AGBL1: variants seen among roughly 807,000 people sequenced by gnomAD.
AGBL1 encodes AGBL carboxypeptidase 1.
In AGBL1, 130 loss-of-function variants were observed where a neutral mutation model predicts 118.9. The observed-to-expected ratio is 1.09, with a 90% confidence interval of 0.95 to 1.26. AGBL1 has a LOEUF of 1.26. AGBL1 is among the 50% of genes most tolerant of loss of function. AGBL1 has a pLI of 0.00. For synonymous variants in AGBL1, 555 were observed against 478.9 expected (o/e 1.16, Z -2.08); for missense variants, 1,584 against 1,298.1 (o/e 1.22, Z -3.38).
At chr15:86,171,029 A>G (rs919719160) in intron 5 of AGBL1, among the ~76,000 whole-genome samples, 10 of 152,204 alleles carry the variant, frequency 6.6e-5, no homozygotes, top group African/African-American at 7.2e-5. Flanking sequence ...GAAGTATGGA[A>G]TTCTGTACTC....
At position 86,092,034 on chromosome 15, in the gene AGBL1, A is replaced by G. The variant is rs550664573; in HGVS notation, c.51+12011A>G. 2.6e-5 allele frequency among the ~76,000 whole-genome samples: 4 copies of G among 152,280 alleles called. No homozygotes were observed. In the South Asian group the frequency reaches 6.2e-4, roughly 24 times the overall value. Reference sequence around the variant, plus strand: ...GTACCTCTCTCTTGAATCATCTATGATTTACTTGCTTATAAAAATAGTTGT... The same window carrying G: ...GTACCTCTCTCTTGAATCATCTATGGTTTACTTGCTTATAAAAATAGTTGT... On this transcript the variant is annotated intron_variant, in intron 1 of 22. Transcript: ENST00000614907.
intron 22 of AGBL1, among the ~76,000 whole-genome samples, chr15:86,795,424 G>A (rs1243726091): frequency 6.6e-6 from 1 of 151,972 alleles, no homozygotes; most frequent in African/African-American, 2.4e-5. Flanking sequence ...TTCCCTGAGG[G>A]TCCCATTACC....
At chr15:86,108,891 A>T (rs1897204358) in intron 1 of AGBL1, among the ~76,000 whole-genome samples, 1 of 152,174 alleles carries the variant, frequency 6.6e-6, no homozygotes, top group Non-Finnish European at 1.5e-5. Context: ...CGGGAGGTGG[A>T]GGTTGCAGTG....
At chr15:86,394,719 G>T (rs2081337177) in intron 17 of AGBL1, among the ~76,000 whole-genome samples, 1 of 152,096 alleles carries the variant, frequency 6.6e-6, no homozygotes, top group Non-Finnish European at 1.5e-5. Context: ...TCATCTGAAG[G>T]TATCACATCT....
At chr15:86,082,223 T>C (rs1312726863) in intron 1 of AGBL1, among the ~76,000 whole-genome samples, 7 of 152,230 alleles carry the variant, frequency 4.6e-5, no homozygotes. Context: ...ATGGATTTGA[T>C]GTCCTGTCCC....
chr15:86,139,540 G>A (rs2076933742), intron 1 of AGBL1, among the ~76,000 whole-genome samples: 1 of 152,130 alleles, frequency 6.6e-6, no homozygotes, highest in South Asian at 2.1e-4. Context: ...CCCTTTGGGA[G>A]GCTGAGGCAG....
chr15:86,470,356 C>T (rs1273078546), intron 18 of AGBL1, among the ~76,000 whole-genome samples: 1 of 152,114 alleles, frequency 6.6e-6, no homozygotes, highest in Non-Finnish European at 1.5e-5. Flanking sequence ...GTCCTTGGCA[C>T]TGTTGTTGAT....
intron 5 of AGBL1, among the ~76,000 whole-genome samples, chr15:86,206,465 C>A (rs1015220516): frequency 2.0e-5 from 3 of 152,106 alleles, no homozygotes; most frequent in African/African-American, 7.2e-5. Context: ...CCACATCCTC[C>A]CCAGCATCTG....
At chr15:86,154,316 CTT>C in intron 3 of AGBL1, 112 bp from the exon 4 acceptor site, 1 of 1,225,100 alleles carries the variant, frequency 8.2e-7, no homozygotes, top group East Asian at 2.7e-5. Flanking sequence ...TGAAAAATGT[CTT>C]TGGCTATGAT....
intron 1 of AGBL1, among the ~76,000 whole-genome samples, chr15:86,122,129 C>T (rs960197643): frequency 6.6e-6 from 1 of 152,160 alleles, no homozygotes; most frequent in Admixed American, 6.5e-5. Context: ...TCTCAGCAGC[C>T]AGAATCTACT....
intron 22 of AGBL1, among the ~76,000 whole-genome samples, chr15:86,719,669 T>C (rs1452639449): frequency 6.6e-6 from 1 of 152,114 alleles, no homozygotes; most frequent in African/African-American, 2.4e-5. Context: ...TTCCTTTTTA[T>C]CCTCAATTAA....
intron 21 of AGBL1, among the ~76,000 whole-genome samples, chr15:86,582,225 T>C (rs1052726292): frequency 2.0e-5 from 3 of 152,198 alleles, no homozygotes; most frequent in African/African-American, 7.2e-5. Context: ...AGGTTCACTC[T>C]TTGAGTCTTG....
At chr15:86,633,471 C>T (rs114682042) in intron 21 of AGBL1, among the ~76,000 whole-genome samples, 40 of 152,090 alleles carry the variant, frequency 2.6e-4, no homozygotes, top group African/African-American at 9.2e-4. Context: ...ACTTTGTTTA[C>T]TGGGAAGTAC....
intron 21 of AGBL1, among the ~76,000 whole-genome samples, chr15:86,597,652 A>C (rs2084431178): frequency 6.6e-6 from 1 of 152,194 alleles, no homozygotes; most frequent in Non-Finnish European, 1.5e-5. Context: ...TAAATGAAGA[A>C]TATTCAAATG....
intron 5 of AGBL1, 43 bp downstream of exon 5, chr15:86,159,069 T>C (rs753586551): frequency 1.9e-6 from 3 of 1,544,298 alleles, no homozygotes; most frequent in South Asian, 2.2e-5. Context: ...TTGTAACAGA[T>C]GGAGAGATGG....
intron 23 of AGBL1, among the ~76,000 whole-genome samples, chr15:86,933,556 C>T (rs1448491944): frequency 6.6e-6 from 1 of 152,144 alleles, no homozygotes; most frequent in African/African-American, 2.4e-5. Context: ...GTGTGTCTGG[C>T]CTTGCATCAG....
chr15:86,398,572 A>C (rs2141992984), intron 18 of AGBL1, among the ~76,000 whole-genome samples: 1 of 152,274 alleles, frequency 6.6e-6, no homozygotes, highest in Non-Finnish European at 1.5e-5. Flanking sequence ...AAAATTGTTA[A>C]ATGAAAGAGA....
intron 22 of AGBL1, among the ~76,000 whole-genome samples, chr15:86,785,893 G>C (rs73445265): frequency 0.017 from 2,612 of 152,242 alleles, 74 homozygotes; most frequent in African/African-American, 0.059. Context: ...AACTCAAACA[G>C]GAGAGCTGGG....
At chr15:86,219,682 A>G (rs1201765960) in intron 5 of AGBL1, among the ~76,000 whole-genome samples, 1 of 152,062 alleles carries the variant, frequency 6.6e-6, no homozygotes, top group Non-Finnish European at 1.5e-5. Context: ...GCTGTACCAC[A>G]CTGTGCTATG....
Sources: allele counts gnomAD v4.1 joint callset (sites outside exome capture counted in the v4.1 genomes callset), GRCh38; gene constraint gnomAD v4.1.1; transcripts MANE v1.5; gene names NCBI Gene and HGNC (gene_info 2026-07-23, HGNC 2026-07-21).